Variants in STXBP5L observed in about 807,000 individuals in gnomAD.
STXBP5L encodes syntaxin-binding protein 5-like.
Under a neutral mutation model 144.5 loss-of-function variants are expected in STXBP5L, and 65 were observed. The ratio of observed to expected loss-of-function variants is 0.45; its 90% CI spans 0.37 to 0.55. The LOEUF (loss-of-function observed/expected upper bound fraction) is 0.55, where lower values mean the gene tolerates loss of function less well. Ranked by LOEUF, STXBP5L falls within the 20% of genes least tolerant of loss-of-function variation. The pLI is 0.00. For missense variants in STXBP5L, 1,298 were observed against 1,405.5 expected, an observed-to-expected ratio of 0.92 and a Z score of 1.22; for synonymous variants, 505 against 469.6, an observed-to-expected ratio of 1.08 and a Z score of -0.97.
chr3:121,392,095 A>C (rs1476722105), intron 22 of STXBP5L, among the ~76,000 whole-genome samples: 1 of 152,030 alleles, frequency 6.6e-6, no homozygotes, highest in Non-Finnish European at 1.5e-5. Flanking sequence ...TTACCTACTC[A>C]AGCCTCAACA....
At chr3:121,014,269 T>C (rs1379593784) in intron 3 of STXBP5L, among the ~76,000 whole-genome samples, 5 of 151,982 alleles carry the variant, frequency 3.3e-5, no homozygotes, top group Non-Finnish European at 7.4e-5. Context: ...AATCCATGAA[T>C]ATAGAATGCT....
At chr3:120,955,136 T>C in intron 3 of STXBP5L, 99 bp downstream of exon 3, 1 of 851,470 alleles carries the variant, frequency 1.2e-6, no homozygotes, top group Non-Finnish European at 1.8e-6. Context: ...ATAAAGTTTA[T>C]TATTTTTTAA....
intron 2 of STXBP5L, 78 bp downstream of exon 2, chr3:120,909,845 A>G: frequency 7.1e-7 from 1 of 1,399,152 alleles, no homozygotes; most frequent in Admixed American, 2.8e-5. Flanking sequence ...AAAACATACC[A>G]GGAACAGGAA....
At chr3:121,363,039 A>G (rs550811824) in intron 20 of STXBP5L, among the ~76,000 whole-genome samples, 34 of 152,274 alleles carry the variant, frequency 2.2e-4, no homozygotes, top group East Asian at 1.9e-4. Flanking sequence ...TCTGAGAGAT[A>G]CGGCCTGGAA....
chr3:121,065,325 A>C (rs2041489836), intron 5 of STXBP5L, among the ~76,000 whole-genome samples: 1 of 152,120 alleles, frequency 6.6e-6, no homozygotes, highest in African/African-American at 2.4e-5. Context: ...GATATTTTTT[A>C]ATGCTTTTGT....
At chr3:121,039,046 C>G (rs1357717096) in intron 3 of STXBP5L, among the ~76,000 whole-genome samples, 1 of 151,770 alleles carries the variant, frequency 6.6e-6, no homozygotes, top group Non-Finnish European at 1.5e-5. Flanking sequence ...GCATTTTTGT[C>G]TTTTCTCACA....
At chr3:121,276,207 A>G (rs1270970390) in intron 18 of STXBP5L, among the ~76,000 whole-genome samples, 2 of 151,848 alleles carry the variant, frequency 1.3e-5, no homozygotes, top group African/African-American at 2.4e-5. Context: ...TACAATATGT[A>G]TCTTTGAATT....
intron 9 of STXBP5L, among the ~76,000 whole-genome samples, chr3:121,201,424 G>A (rs1439946240): frequency 6.6e-6 from 1 of 151,918 alleles, no homozygotes; most frequent in Non-Finnish European, 1.5e-5. Context: ...ATGTGAGATG[G>A]GTCTCCTGAT....
chr3:121,051,274 G>C (rs2107590760), intron 5 of STXBP5L, among the ~76,000 whole-genome samples: 1 of 152,230 alleles, frequency 6.6e-6, no homozygotes, highest in Non-Finnish European at 1.5e-5. Context: ...CAAATCAACA[G>C]AATATACATT....
chr3:120,932,596 T>TTGG (rs10645031), intron 2 of STXBP5L, among the ~76,000 whole-genome samples: 121,264 of 151,732 alleles, frequency 0.8, 48,928 homozygotes, highest in Admixed American at 0.84. Flanking sequence ...ATTAACACTG[T>TTGG]TGGGACTGTA....
rs527466796 is a variant in STXBP5L, at chr3:121,125,890, G to C, written c.669+4186G>C. On this transcript the variant is annotated intron_variant, in intron 7 of 26. Coordinates refer to ENST00000471454, the MANE Select transcript of STXBP5L (RefSeq NM_001308330.2). ...ATGGAGAAAACCTTGACCAATGTTA[G>C]GCAAGAGACAAGTAATAAATTCTTC... Among the ~76,000 whole-genome samples, 37 of 152,224 alleles carry C rather than the reference G, an allele frequency of 2.4e-4. 1 individual carries two copies. In the East Asian group the frequency reaches 3.1e-3, roughly 13 times the overall value.
chr3:121,344,817 C>A (rs972916980), intron 20 of STXBP5L, among the ~76,000 whole-genome samples: 37 of 151,526 alleles, frequency 2.4e-4, no homozygotes, highest in African/African-American at 9.0e-4. Flanking sequence ...TGATACTATA[C>A]ATAGAGGATA....
intron 20 of STXBP5L, among the ~76,000 whole-genome samples, chr3:121,349,358 G>T (rs979205875): frequency 2.4e-4 from 37 of 151,918 alleles, no homozygotes; most frequent in African/African-American, 9.0e-4. Flanking sequence ...TACATTTGCT[G>T]AGGAGTGCTT....
At chr3:121,060,625 TATTA>T (rs2041222320) in intron 5 of STXBP5L, among the ~76,000 whole-genome samples, 2 of 152,248 alleles carry the variant, frequency 1.3e-5, no homozygotes, top group South Asian at 2.1e-4. Flanking sequence ...GTTGTTAGGC[TATTA>T]ATTACTGCCT....
chr3:121,140,729 C>T (rs375151843), intron 7 of STXBP5L, among the ~76,000 whole-genome samples: 37 of 152,056 alleles, frequency 2.4e-4, no homozygotes, highest in African/African-American at 8.9e-4. Flanking sequence ...TTACCGGCAG[C>T]TGAGGTGGTT....
chr3:121,177,691 A>G (rs2108089159), intron 9 of STXBP5L, among the ~76,000 whole-genome samples: 1 of 152,328 alleles, frequency 6.6e-6, no homozygotes, highest in East Asian at 1.9e-4. Flanking sequence ...AATTTAAATG[A>G]TACAGCTTCT....
At chr3:121,281,488 A>G (rs2051057651) in intron 19 of STXBP5L, among the ~76,000 whole-genome samples, 2 of 152,098 alleles carry the variant, frequency 1.3e-5, no homozygotes, top group South Asian at 4.1e-4. Flanking sequence ...GGCTATTTAT[A>G]ATTAAAAATT....
intron 5 of STXBP5L, chr3:121,099,893 G>C (rs1443554909): frequency 6.6e-6 from 1 of 152,070 alleles, no homozygotes; most frequent in Non-Finnish European, 1.5e-5. Flanking sequence ...CAGGCTCAAA[G>C]GAAAGGGTTG....
intron 3 of STXBP5L, among the ~76,000 whole-genome samples, chr3:120,963,011 C>CTAGGTATTT (rs1939057700): frequency 6.6e-6 from 1 of 152,036 alleles, no homozygotes; most frequent in Non-Finnish European, 1.5e-5. Flanking sequence ...AGTTGGATTC[C>CTAGGTATTT]TAGGTATTTT....
Sources: allele counts gnomAD v4.1 joint callset (sites outside exome capture counted in the v4.1 genomes callset), GRCh38; gene constraint gnomAD v4.1.1; transcripts MANE v1.5; gene names NCBI Gene and HGNC (gene_info 2026-07-23, HGNC 2026-07-21).